COL4A5: variants seen among roughly 807,000 people sequenced by gnomAD.
COL4A5 encodes the protein collagen alpha-5(IV) chain.
In COL4A5, 26 loss-of-function variants were observed where a neutral mutation model predicts 130.2. The observed-to-expected ratio is 0.20, with a 90% CI of 0.15 to 0.28. The LOEUF (loss-of-function observed/expected upper bound fraction) is 0.28. Ranked by LOEUF, COL4A5 falls within the 10% of genes least tolerant of loss-of-function variation. The pLI, the probability that COL4A5 is intolerant of heterozygous loss-of-function variation, is 1.00. For missense variants in COL4A5, 1,131 were observed against 1,344.3 expected (o/e 0.84, Z 2.48); for synonymous variants, 496 against 439.6 (o/e 1.13, Z -1.60).
chrX:108,481,001 C>A (rs1447131510), intron 1 of COL4A5, among the ~76,000 whole-genome samples: 10 of 111,885 alleles, frequency 8.9e-5, no homozygotes, highest in Non-Finnish European at 1.7e-4. Context: ...AGTCAGGGAT[C>A]CAACGTGGGG....
At chrX:108,659,939 T>G (rs181627094) in intron 37 of COL4A5, among the ~76,000 whole-genome samples, 12 of 111,239 alleles carry the variant, frequency 1.1e-4, no homozygotes, top group African/African-American at 3.9e-4. Context: ...TTTATGCTCC[T>G]CCTTTGTCCC....
intron 44 of COL4A5, among the ~76,000 whole-genome samples, chrX:108,678,359 T>G (rs2068350818): frequency 1.8e-5 from 2 of 111,654 alleles, no homozygotes; most frequent in Non-Finnish European, 3.8e-5. Context: ...CCATCACTAT[T>G]CTTCCAGTTA....
chrX:108,452,433 G>A (rs1377807107), intron 1 of COL4A5, among the ~76,000 whole-genome samples: 3 of 111,894 alleles, frequency 2.7e-5, no homozygotes, highest in Non-Finnish European at 3.8e-5. Context: ...CCATTTTCAC[G>A]ATATTGATTC....
At chrX:108,452,395 A>C (rs1417375382) in intron 1 of COL4A5, among the ~76,000 whole-genome samples, 1 of 111,948 alleles carries the variant, frequency 8.9e-6, no homozygotes, top group African/African-American at 3.2e-5. Flanking sequence ...GATGGCATTG[A>C]ATCTATAAAT....
At position 108,526,671 on chromosome X, in the gene COL4A5, CTCTTTCTTTCTTTCTTTCTT is replaced by C. The variant is rs71946950; in HGVS notation, c.82-13038_82-13019del. 9.7e-3 allele frequency among the ~76,000 whole-genome samples: 406 copies of C among 41,847 alleles called. 4 individuals carry two copies. Among genetic ancestry groups the C allele is most frequent in the Middle Eastern group, 0.026 (2 of 76 alleles). The allele number at this position is 41,847 out of a possible 115,157, so 36.3% of individuals were successfully genotyped here. On this transcript the variant is annotated intron_variant, in intron 1 of 52. Coordinates refer to ENST00000328300, the MANE Select transcript of COL4A5 (RefSeq NM_033380.3). Reference sequence around the variant, plus strand: ...TTCTTTCTTTCTTTCTTCTTTCTTTCTCTTTCTTTCTTTCTTTCTTTCTTTCTTTCTTTCTTTCTTTCTTT... The same window carrying C: ...TTCTTTCTTTCTTTCTTCTTTCTTTCTCTTTCTTTCTTTCTTTCTTTCTTT...
intron 2 of COL4A5, among the ~76,000 whole-genome samples, chrX:108,556,787 A>G (rs2065828348): frequency 9.0e-6 from 1 of 111,115 alleles, no homozygotes; most frequent in Non-Finnish European, 1.9e-5. Context: ...CAAGGCTTCT[A>G]TAATTTCTAC....
At chrX:108,638,898 A>C (rs2067404117) in intron 36 of COL4A5, among the ~76,000 whole-genome samples, 1 of 111,956 alleles carries the variant, frequency 8.9e-6, no homozygotes. Flanking sequence ...TCTGAAGACT[A>C]CAAAATATTG....
chrX:108,695,086 A>G (rs752405079), intron 51 of COL4A5, 165 bp downstream of exon 51: 120 of 678,279 alleles, frequency 1.8e-4, no homozygotes, highest in Non-Finnish European at 2.6e-4. Flanking sequence ...TTTGTAACAT[A>G]TTTTCATAAT....
intron 42 of COL4A5, among the ~76,000 whole-genome samples, chrX:108,673,188 G>C (rs2068238555): frequency 1.8e-5 from 2 of 111,764 alleles, no homozygotes; most frequent in South Asian, 7.5e-4. Flanking sequence ...ACTTGAATTT[G>C]ATCTTTAAAA....
At chrX:108,670,426 A>G in intron 42 of COL4A5, 190 bp downstream of exon 42, 1 of 372,717 alleles carries the variant, frequency 2.7e-6, no homozygotes, top group Non-Finnish European at 3.4e-6. Context: ...AAAGACCCAA[A>G]ATTACCTAAC....
intron 2 of COL4A5, among the ~76,000 whole-genome samples, chrX:108,540,416 G>A (rs190247565): frequency 1.1e-3 from 118 of 111,798 alleles, no homozygotes; most frequent in African/African-American, 3.7e-3. Context: ...TTTTTATCTA[G>A]TCTATGCAGT....
chrX:108,451,309 G>T (rs1465748176), intron 1 of COL4A5, among the ~76,000 whole-genome samples: 3 of 110,384 alleles, frequency 2.7e-5, no homozygotes, highest in Non-Finnish European at 3.8e-5. Flanking sequence ...AAACATACGT[G>T]TGCATGTGTC....
chrX:108,486,447 G>A (rs776896923), intron 1 of COL4A5, among the ~76,000 whole-genome samples: 35 of 111,129 alleles, frequency 3.1e-4, no homozygotes, highest in East Asian at 8.5e-4. Flanking sequence ...AGATTTTTGC[G>A]GAACAGGTGG....
At chrX:108,515,468 G>T (rs1411400733) in intron 1 of COL4A5, among the ~76,000 whole-genome samples, 2 of 111,567 alleles carry the variant, frequency 1.8e-5, no homozygotes, top group Non-Finnish European at 3.8e-5. Flanking sequence ...GACTCTTTCT[G>T]CCTGTAAAGA....
At chrX:108,513,223 A>G (rs7056779) in intron 1 of COL4A5, among the ~76,000 whole-genome samples, 42,090 of 109,522 alleles carry the variant, frequency 0.38, 7,766 homozygotes, top group East Asian at 0.72. Flanking sequence ...GCGTGAACCC[A>G]GGAGGCGGAG....
At chrX:108,640,311 C>T (rs1419464298) in intron 36 of COL4A5, among the ~76,000 whole-genome samples, 2 of 111,205 alleles carry the variant, frequency 1.8e-5, no homozygotes, top group Non-Finnish European at 3.8e-5. Context: ...TTACATGACC[C>T]CAGTTACATA....
chrX:108,533,504 C>G (rs2065414000), intron 1 of COL4A5, among the ~76,000 whole-genome samples: 2 of 111,006 alleles, frequency 1.8e-5, no homozygotes, highest in Admixed American at 1.9e-4. Context: ...GGTCTAATAT[C>G]CAGAATCTAC....
intron 1 of COL4A5, among the ~76,000 whole-genome samples, chrX:108,524,988 T>A (rs948010443): frequency 8.9e-6 from 1 of 112,158 alleles, no homozygotes; most frequent in African/African-American, 3.2e-5. Flanking sequence ...GAGTGTTGAA[T>A]AGATGTGTCT....
intron 18 of COL4A5, among the ~76,000 whole-genome samples, 153 bp from the exon 19 acceptor site, chrX:108,586,462 A>G (rs1007000661): frequency 2.7e-5 from 3 of 111,738 alleles, no homozygotes; most frequent in African/African-American, 9.7e-5. Flanking sequence ...GACATTTTCT[A>G]ATCAGTTGGA....
Sources: gnomAD v4.1 joint callset for allele counts (sites outside exome capture counted in the v4.1 genomes callset) on GRCh38, gnomAD v4.1.1 for gene constraint, MANE v1.5 for transcripts, NCBI Gene and HGNC (gene_info 2026-07-23, HGNC 2026-07-21) for gene names.